Variants in SVIL observed in about 807,000 individuals in gnomAD.
The protein encoded by SVIL is supervillin.
In SVIL, 101 loss-of-function variants were observed where a neutral mutation model predicts 240.4. The observed-to-expected ratio is 0.42, with a 90% confidence interval of 0.36 to 0.50. SVIL has a LOEUF of 0.50. SVIL is among the 20% of genes least tolerant of loss of function. SVIL has a pLI of 0.01. For missense variants in SVIL, 2,512 were observed against 2,818.7 expected (o/e 0.89, Z 2.46); for synonymous variants, 999 against 1,100.0 (o/e 0.91, Z 1.82).
At position 29,484,555 on chromosome 10, in the gene SVIL, G is replaced by A; in HGVS notation, c.4955+101C>T. ...CTGCATATAATCGTTTATGAAAACT[G>A]AACCCTATAAAGAGCGAGAGTAGAG... On this transcript the variant is annotated intron_variant, in intron 27 of 37. Coordinates refer to ENST00000355867, the MANE Select transcript of SVIL (RefSeq NM_021738.3). The surrounding 1 kb of genome is among the most constrained non-coding windows in gnomAD (Gnocchi z 4.7). 2 of 1,033,300 alleles carry A rather than the reference G, an allele frequency of 1.9e-6. No homozygotes were observed. Among genetic ancestry groups the A allele is most frequent in the Non-Finnish European group, 2.7e-6 (2 of 740,916 alleles). The allele number at this position is 1,033,300 out of a possible 1,614,324, so 64.0% of individuals were successfully genotyped here. A position where few individuals can be genotyped will look rare whatever the true frequency, so the allele number is the denominator to read the frequency against.
At chr10:29,458,711 T>G in intron 36 of SVIL, 122 bp from the exon 37 acceptor site, 1 of 1,042,868 alleles carries the variant, frequency 9.6e-7, no homozygotes, top group Non-Finnish European at 1.3e-6. Flanking sequence ...CATAGTTCCA[T>G]ATCACTGAGG....
At chr10:29,624,848 AG>A (rs1564713409) in intron 1 of SVIL, among the ~76,000 whole-genome samples, 1 of 152,214 alleles carries the variant, frequency 6.6e-6, no homozygotes, top group African/African-American at 2.4e-5. Flanking sequence ...TTTCATGTGG[AG>A]AGCTACTGAA....
chr10:29,528,779 C>T (rs1299290868), intron 12 of SVIL, among the ~76,000 whole-genome samples: 1 of 152,098 alleles, frequency 6.6e-6, no homozygotes, highest in Non-Finnish European at 1.5e-5. Context: ...GAAAATTTTT[C>T]ACTTGATTGA....
intron 6 of SVIL, among the ~76,000 whole-genome samples, chr10:29,548,873 G>T (rs1952941489): frequency 6.6e-6 from 1 of 152,206 alleles, no homozygotes; most frequent in African/African-American, 2.4e-5. Flanking sequence ...CAGTAAGAGG[G>T]TCCTGAAGTG....
At chr10:29,523,136 T>C (rs1950670124) in intron 15 of SVIL, among the ~76,000 whole-genome samples, 1 of 152,158 alleles carries the variant, frequency 6.6e-6, no homozygotes, top group African/African-American at 2.4e-5. Flanking sequence ...TTACCCAGCC[T>C]GGACCTTTGG....
rs754202282 is a variant in SVIL, at chr10:29,499,163, G to A, written c.3617C>T (p.Ala1206Val). The A allele has an allele frequency of 5.6e-6, 9 of 1,614,048 alleles. No homozygotes were observed. In the South Asian group the frequency reaches 9.9e-5, roughly 18 times the overall value. The change falls in exon 18 of 38, where the codon GCC becomes GTC. Residue 1206 changes from alanine to valine, a missense_variant. Around this residue, in one of 3 missense-constraint regions of SVIL, gnomAD observed 272 missense variants for 406.8 expected, o/e 0.67. Coordinates refer to ENST00000355867, the MANE Select transcript of SVIL (RefSeq NM_021738.3). ...CACAGTGAACTGGGTCGAGTCGTTG[G>A]CCGCTCCTCTGCCTCTCGTCTTCCA... is the stretch of plus-strand genomic sequence containing the variant. ...EAWKTRGRGA[A>V]NDSTQFTVAG...
intron 3 of SVIL, among the ~76,000 whole-genome samples, chr10:29,562,314 T>C (rs1161935272): frequency 6.6e-6 from 1 of 152,256 alleles, no homozygotes; most frequent in Middle Eastern, 3.2e-3. Context: ...GGTTTATAGT[T>C]GGTGCAGACA....
intron 2 of SVIL, among the ~76,000 whole-genome samples, chr10:29,665,156 G>T (rs1959208271): frequency 6.9e-6 from 1 of 144,750 alleles, no homozygotes. Context: ...GAGCTCAGGA[G>T]TTCGAGGCTG....
At chr10:29,727,548 G>T (rs191985933) in intron 1 of SVIL, among the ~76,000 whole-genome samples, 1 of 152,012 alleles carries the variant, frequency 6.6e-6, no homozygotes, top group East Asian at 1.9e-4. Context: ...CTGTAAACAC[G>T]CAACAGAAGC....
In SVIL at chr10:29,484,787, C is replaced by A; in HGVS notation, c.4824G>T (p.Gly1608=). ...DFGSEVYVWH[G]KEVTLAQRKI... is the part of the protein sequence containing the mutation. The stretch of plus-strand genomic sequence containing the variant: ...TTCGTTGTGCTAATGTGACTTCTTT[C>A]CCATGCCATACGTAAACTTCACTAC... Residue 1608 remains glycine, a synonymous_variant, in exon 27 of 38, where the codon GGG becomes GGT. Transcript: ENST00000355867. This position sits in a 1 kb window ranked among gnomAD's most constrained non-coding sequence, Gnocchi z 4.7. 1.9e-6 allele frequency: 3 copies of A among 1,613,488 alleles called. No individual in the cohort carries two copies. Among genetic ancestry groups the A allele is most frequent in the Non-Finnish European group, 2.5e-6 (3 of 1,179,784 alleles).
In SVIL at chr10:29,550,886, C is replaced by G; in HGVS notation, c.538G>C (p.Gly180Arg). ...TETMGLRTCA[G>R]ESKDYALHVG... Reference sequence around the variant, plus strand: ...TGGAGGGCATAGTCCTTGGATTCACCGGCACAGGTCCTGAGCCCCATCGTC... The same window carrying G: ...TGGAGGGCATAGTCCTTGGATTCACGGGCACAGGTCCTGAGCCCCATCGTC... Residue 180 changes from glycine (G) to arginine (R), a missense_variant, in exon 6 of 38, where the codon GGT (glycine) becomes CGT (arginine). By Grantham distance (125) the Gly-to-Arg change is moderately radical. This residue lies in a region of SVIL where 1,443 missense variants were observed against 1,486.6 expected (regional missense o/e 0.97). Coordinates refer to ENST00000355867, the MANE Select transcript of SVIL (RefSeq NM_021738.3). 1 of 1,613,962 alleles carries G rather than the reference C, an allele frequency of 6.2e-7. No homozygotes were observed. Among genetic ancestry groups the G allele is most frequent in the Non-Finnish European group, 8.5e-7 (1 of 1,179,986 alleles).
intron 1 of SVIL, among the ~76,000 whole-genome samples, chr10:29,590,275 G>C (rs1313895516): frequency 6.7e-6 from 1 of 149,986 alleles, no homozygotes; most frequent in African/African-American, 2.5e-5. Context: ...CTCCTGTCCC[G>C]TGGCTCCCCA....
chr10:29,577,991 A>G (rs551733415), intron 1 of SVIL, among the ~76,000 whole-genome samples: 68 of 152,334 alleles, frequency 4.5e-4, no homozygotes, highest in African/African-American at 1.6e-3. Flanking sequence ...TTGCGTATAC[A>G]TTTATAAATG....
chr10:29,545,886 G>C (rs796125632), intron 6 of SVIL, among the ~76,000 whole-genome samples: 1 of 128,736 alleles, frequency 7.8e-6, no homozygotes, highest in African/African-American at 2.9e-5. Context: ...AAAAGAAAAA[G>C]AAAAAAGAAA....
intron 33 of SVIL, among the ~76,000 whole-genome samples, chr10:29,465,976 TAAAA>T (rs142405191): frequency 0.048 from 7,332 of 151,706 alleles, 230 homozygotes; most frequent in Middle Eastern, 0.072. Flanking sequence ...AATGCAAAAT[TAAAA>T]AGAAAAGAAA....
chr10:29,569,434 G>T, intron 1 of SVIL, 122 bp from the exon 2 acceptor site: 1 of 318,142 alleles, frequency 3.1e-6, no homozygotes, highest in Non-Finnish European at 4.6e-6. Flanking sequence ...CCATTAACCA[G>T]ACAAAAAATA....
At chr10:29,663,415 G>T (rs1418816007) in intron 2 of SVIL, among the ~76,000 whole-genome samples, 3 of 152,036 alleles carry the variant, frequency 2.0e-5, no homozygotes, top group African/African-American at 7.2e-5. Flanking sequence ...TTGAGACACA[G>T]TCTCCCTCTG....
intron 30 of SVIL, 48 bp from the exon 31 acceptor site, chr10:29,471,291 A>T: frequency 7.0e-7 from 1 of 1,438,666 alleles, no homozygotes. Context: ...GGGGCTTTCA[A>T]AGTCCTAAAA....
At chr10:29,470,539 C>G (rs1169201564) in intron 31 of SVIL, 56 bp from the exon 32 acceptor site, 3 of 1,595,922 alleles carry the variant, frequency 1.9e-6, no homozygotes, top group Non-Finnish European at 2.6e-6. Flanking sequence ...TGGCAGCAAA[C>G]GCGGCCCTTC....
Sources: gnomAD v4.1 joint callset for allele counts (sites outside exome capture counted in the v4.1 genomes callset) on GRCh38, gnomAD v4.1.1 for gene constraint, gnomAD v4.1.1 regional missense constraint, Gnocchi (gnomAD v3.1) non-coding constraint, MANE v1.5 for transcripts, NCBI Gene and HGNC (gene_info 2026-07-23, HGNC 2026-07-21) for gene names.